Variants in NBAS observed in about 807,000 individuals in gnomAD.
NBAS encodes NAG/BC035112 fusion.
Under a neutral mutation model 302.5 loss-of-function variants are expected in NBAS, and 219 were observed. The observed-to-expected ratio is 0.72, with a 90% CI of 0.65 to 0.81. The LOEUF (loss-of-function observed/expected upper bound fraction) is 0.81, where lower values mean the gene tolerates loss of function less well. NBAS is among the 30% of genes least tolerant of loss of function. The pLI, the probability that NBAS is intolerant of heterozygous loss-of-function variation, is 0.00. For missense variants in NBAS, 2,932 were observed against 2,841.6 expected (o/e 1.03, Z -0.72); for synonymous variants, 1,118 against 1,021.6 (o/e 1.09, Z -1.80).
chr2:14,922,181 G>A, the NBAS span, among the ~76,000 whole-genome samples: 4 of 152,238 alleles, frequency 2.6e-5, no homozygotes, highest in African/African-American at 4.8e-5. Context: ...AAGGTGGAGA[G>A]AGTCCAGGCA....
chr2:15,487,786 T>G (rs1004708635), intron 12 of NBAS, among the ~76,000 whole-genome samples: 12 of 152,234 alleles, frequency 7.9e-5, no homozygotes, highest in African/African-American at 2.9e-4. Flanking sequence ...TCCCTTTTAT[T>G]TAGCCACCAA....
the NBAS span, among the ~76,000 whole-genome samples, chr2:15,159,034 G>A: frequency 1.7e-3 from 253 of 152,290 alleles, no homozygotes; most frequent in Middle Eastern, 0.017. Context: ...TGGTGTAGGT[G>A]GGCATCACTG....
intron 38 of NBAS, among the ~76,000 whole-genome samples, chr2:15,314,298 G>A (rs983813579): frequency 6.6e-6 from 1 of 152,188 alleles, no homozygotes; most frequent in African/African-American, 2.4e-5. Context: ...AGAGACTGCA[G>A]TGCGCCAAGA....
intron 28 of NBAS, among the ~76,000 whole-genome samples, chr2:15,389,063 C>T (rs910363907): frequency 2.6e-5 from 4 of 152,122 alleles, no homozygotes; most frequent in African/African-American, 7.2e-5. Flanking sequence ...CTTTAGCAAC[C>T]AGACTTCTGT....
intron 38 of NBAS, among the ~76,000 whole-genome samples, chr2:15,316,209 A>T (rs1671501344): frequency 6.6e-6 from 1 of 152,220 alleles, no homozygotes; most frequent in South Asian, 2.1e-4. Context: ...TAAACAAGTT[A>T]TATGGCCAAA....
intron 35 of NBAS, among the ~76,000 whole-genome samples, chr2:15,346,322 C>T (rs953805108): frequency 6.6e-5 from 10 of 151,888 alleles, no homozygotes; most frequent in African/African-American, 2.4e-4. Context: ...AAAAAAACAA[C>T]CCCATCAAAA....
chr2:15,214,045 A>G (rs989753792), intron 48 of NBAS, among the ~76,000 whole-genome samples: 1 of 152,182 alleles, frequency 6.6e-6, no homozygotes, highest in African/African-American at 2.4e-5. Flanking sequence ...CTATAAGGAA[A>G]TCTTCCCATT....
At chr2:15,210,355 T>C (rs541325792) in intron 48 of NBAS, among the ~76,000 whole-genome samples, 11 of 152,100 alleles carry the variant, frequency 7.2e-5, no homozygotes, top group African/African-American at 2.4e-4. Context: ...AAATGGCAAA[T>C]GGGTACATGA....
chr2:15,067,686 A>G, the NBAS span, among the ~76,000 whole-genome samples: 16,816 of 151,922 alleles, frequency 0.11, 1,037 homozygotes, highest in East Asian at 0.21. Flanking sequence ...GGAGGGGGAA[A>G]CGTGAAGTTG....
At chr2:15,362,424 CCT>C (rs1673980041) in intron 32 of NBAS, among the ~76,000 whole-genome samples, 1 of 152,086 alleles carries the variant, frequency 6.6e-6, no homozygotes, top group Non-Finnish European at 1.5e-5. Context: ...AGGAGGATCC[CCT>C]GAGCCCAGGA....
At chr2:15,269,392 T>C (rs1438869463) in intron 44 of NBAS, among the ~76,000 whole-genome samples, 3 of 152,332 alleles carry the variant, frequency 2.0e-5, no homozygotes, top group Middle Eastern at 3.4e-3. Flanking sequence ...CCTATTTGAA[T>C]TGTGAGCTGA....
At chr2:14,993,088 A>C in the NBAS span, among the ~76,000 whole-genome samples, 1 of 152,164 alleles carries the variant, frequency 6.6e-6, no homozygotes, top group Non-Finnish European at 1.5e-5. Context: ...GGACCTTTGA[A>C]GGGAGTGACC....
At chr2:14,954,323 T>A in the NBAS span, among the ~76,000 whole-genome samples, 2 of 152,162 alleles carry the variant, frequency 1.3e-5, no homozygotes, top group Non-Finnish European at 2.9e-5. Context: ...AGATGCAGGA[T>A]GCCTGCACGG....
chr2:15,539,238 G>A lies in NBAS; in HGVS notation c.498C>T (p.Leu166=), dbSNP rs375995957. The change falls in exon 7 of 52, where the codon CTC becomes CTT. Residue 166 remains leucine, a synonymous_variant. Coordinates refer to ENST00000281513, the MANE Select transcript of NBAS (RefSeq NM_015909.4). ...VRVFDLMGSE[L]FVISPASSFI... ...ATGTACATACCGGGGAAATGACAAA[G>A]AGTTCACTTCCCATGAGATCAAACA... is the stretch of plus-strand genomic sequence containing the variant. The A allele has an allele frequency of 6.2e-7, 1 of 1,614,172 alleles. No individual in the cohort carries two copies. The highest frequency in any genetic ancestry group is 2.2e-5 in the East Asian group (1 of 44,878).
the NBAS span, among the ~76,000 whole-genome samples, chr2:15,034,235 G>GA: frequency 1.2e-5 from 1 of 81,636 alleles, no homozygotes; most frequent in South Asian, 4.5e-4. Context: ...AAAGAAAGAA[G>GA]GAAAGAAAGA....
chr2:15,544,440 GAA>G, intron 6 of NBAS, among the ~76,000 whole-genome samples: 1 of 152,078 alleles, frequency 6.6e-6, no homozygotes, highest in Admixed American at 6.5e-5. Context: ...TTCTCTATGG[GAA>G]AAGATGCCAC....
intron 44 of NBAS, among the ~76,000 whole-genome samples, chr2:15,254,481 G>A (rs1454356811): frequency 6.6e-6 from 1 of 152,150 alleles, no homozygotes; most frequent in African/African-American, 2.4e-5. Context: ...ACAGTGACTG[G>A]ATAACAAACT....
the NBAS span, among the ~76,000 whole-genome samples, chr2:14,799,075 A>C: frequency 6.7e-6 from 1 of 148,676 alleles, no homozygotes. Flanking sequence ...AAAATGTATT[A>C]GTTCTTTTCT....
At chr2:15,477,904 C>G (rs902652873) in intron 13 of NBAS, among the ~76,000 whole-genome samples, 3 of 152,124 alleles carry the variant, frequency 2.0e-5, no homozygotes, top group Admixed American at 1.3e-4. Flanking sequence ...CTAATTACCC[C>G]CAACCCGCGA....
Sources: gnomAD v4.1 joint callset for allele counts (sites outside exome capture counted in the v4.1 genomes callset) on GRCh38, gnomAD v4.1.1 for gene constraint, MANE v1.5 for transcripts, NCBI Gene and HGNC (gene_info 2026-07-23, HGNC 2026-07-21) for gene names.